PCDH17: variants seen among roughly 807,000 people sequenced by gnomAD.
PCDH17 encodes the protein protocadherin-17.
Under a neutral mutation model 67.7 loss-of-function variants are expected in PCDH17, and 21 were observed. The ratio of observed to expected loss-of-function variants is 0.31; its 90% CI spans 0.22 to 0.45. The LOEUF (loss-of-function observed/expected upper bound fraction) is 0.45, where lower values mean the gene tolerates loss of function less well. Among genes scored for constraint, PCDH17 ranks in the 20% least tolerant of loss-of-function variants. The probability of loss-of-function intolerance (pLI) is 1.00; values close to 1 mark genes in which losing one functional copy is unlikely to be tolerated. For synonymous variants in PCDH17, 701 were observed against 656.7 expected (o/e 1.07, Z -1.03); for missense variants, 1,471 against 1,564.8 (o/e 0.94, Z 1.01).
intron 3 of PCDH17, among the ~76,000 whole-genome samples, chr13:57,696,586 G>T (rs925262373): frequency 6.6e-6 from 1 of 151,342 alleles, no homozygotes; most frequent in African/African-American, 2.4e-5. Context: ...ATTCTTCGCA[G>T]CCTGTCTTAT....
intron 3 of PCDH17, among the ~76,000 whole-genome samples, chr13:57,684,759 A>C (rs1168886303): frequency 6.6e-6 from 1 of 151,964 alleles, no homozygotes; most frequent in African/African-American, 2.4e-5. Flanking sequence ...ATTTTACTTC[A>C]CTGGTTTTAG....
Position 57,729,007 on chromosome 13 carries a change from G to A in PCDH17, c.*3713G>A, listed in dbSNP as rs577655229. ...AATTATATTCTTTTGACAACAGACA[G>A]CATTCATCAGAGCACTAATTCGAAT... On this transcript the variant is annotated 3_prime_UTR_variant, in exon 4 of 4. Coordinates refer to ENST00000377918, the MANE Select transcript of PCDH17 (RefSeq NM_001040429.3). 1 of 152,164 alleles carries A rather than the reference G, an allele frequency of 6.6e-6. No individual in the cohort carries two copies. The highest frequency in any genetic ancestry group is 1.5e-5 in the Non-Finnish European group (1 of 67,976). 9.4% of individuals were successfully genotyped at this position (152,164 alleles called of 1,614,324 possible).
At chr13:57,666,208 TCCATCC>T in intron 1 of PCDH17, among the ~76,000 whole-genome samples, 1 of 152,304 alleles carries the variant, frequency 6.6e-6, no homozygotes, top group South Asian at 2.1e-4. Flanking sequence ...GCCAGTGTTA[TCCATCC>T]TGGTACTAAA....
intron 3 of PCDH17, among the ~76,000 whole-genome samples, chr13:57,704,238 T>C (rs528301708): frequency 1.3e-3 from 205 of 152,160 alleles, no homozygotes; most frequent in South Asian, 2.1e-3. Context: ...GTTTAAATGA[T>C]TTCTCTCTTC....
In PCDH17 at chr13:57,634,296, G is replaced by A; in HGVS notation, c.1750G>A (p.Val584Met). The change falls in exon 1 of 4, where the codon GTG becomes ATG. Residue 584 changes from valine (V) to methionine (M), a missense_variant. This residue lies in a region of PCDH17 where 1,163 missense variants were observed against 1,230.0 expected (regional missense o/e 0.95). Transcript: ENST00000377918. The surrounding 1 kb of genome is among the most constrained non-coding windows in gnomAD (Gnocchi z 7.8). ...CGTGAATGACAACGCGCCAGTGATCGTGCTCCCCACGCTGCAGAACGACAC... is the reference window on the plus strand; with the variant it reads ...CGTGAATGACAACGCGCCAGTGATCATGCTCCCCACGCTGCAGAACGACAC... The part of the protein sequence containing the change: ...LDVNDNAPVI[V>M]LPTLQNDTAE... 1 of 1,613,086 alleles carries A rather than the reference G, an allele frequency of 6.2e-7. No homozygotes were observed.
chr13:57,722,087 A>C (rs1197395353), intron 3 of PCDH17, among the ~76,000 whole-genome samples: 1 of 152,112 alleles, frequency 6.6e-6, no homozygotes, highest in Admixed American at 6.6e-5. Context: ...TCAATACTCA[A>C]AATTTGCTCC....
chr13:57,675,409 G>A (rs987961948), intron 3 of PCDH17, among the ~76,000 whole-genome samples: 3 of 151,906 alleles, frequency 2.0e-5, no homozygotes, highest in Non-Finnish European at 4.4e-5. Flanking sequence ...ATACAAAGAT[G>A]AGCTGAGGCA....
intron 3 of PCDH17, among the ~76,000 whole-genome samples, chr13:57,720,700 G>A (rs1955865339): frequency 6.6e-6 from 1 of 151,796 alleles, no homozygotes; most frequent in Non-Finnish European, 1.5e-5. Context: ...AAAAAGCTAA[G>A]TTTTATCACA....
At chr13:57,692,229 G>C (rs2138063269) in intron 3 of PCDH17, among the ~76,000 whole-genome samples, 1 of 151,272 alleles carries the variant, frequency 6.6e-6, no homozygotes, top group South Asian at 2.1e-4. Context: ...ATAAATAAAT[G>C]AGAGAGTCTC....
At chr13:57,693,988 G>A (rs4391933) in intron 3 of PCDH17, among the ~76,000 whole-genome samples, 23,367 of 149,212 alleles carry the variant, frequency 0.16, 1,882 homozygotes, top group East Asian at 0.23. Context: ...TCTTTTTTGA[G>A]GTAAATGACT....
At chr13:57,696,992 G>A (rs1955616189) in intron 3 of PCDH17, among the ~76,000 whole-genome samples, 1 of 151,388 alleles carries the variant, frequency 6.6e-6, no homozygotes. Context: ...AATTTTTTTT[G>A]TATTTTTAAG....
At chr13:57,707,222 G>T (rs1955728811) in intron 3 of PCDH17, among the ~76,000 whole-genome samples, 1 of 151,890 alleles carries the variant, frequency 6.6e-6, no homozygotes, top group South Asian at 2.1e-4. Flanking sequence ...AGCAAGGATT[G>T]TCTTACTTTC....
At chr13:57,661,912 A>G (rs568781750) in intron 1 of PCDH17, among the ~76,000 whole-genome samples, 1 of 152,168 alleles carries the variant, frequency 6.6e-6, no homozygotes, top group South Asian at 2.1e-4. Context: ...CTGTTGCTCA[A>G]TCTGGAGTGC....
chr13:57,659,521 T>G (rs1417386887), intron 1 of PCDH17, among the ~76,000 whole-genome samples: 1 of 152,104 alleles, frequency 6.6e-6, no homozygotes, highest in Non-Finnish European at 1.5e-5. Flanking sequence ...TATTATAAAC[T>G]AAGAAATTTG....
At chr13:57,681,962 AC>A (rs1566233760) in intron 3 of PCDH17, among the ~76,000 whole-genome samples, 1 of 151,676 alleles carries the variant, frequency 6.6e-6, no homozygotes, top group Non-Finnish European at 1.5e-5. Context: ...AATGTACAAA[AC>A]TCTGTAGTCC....
At chr13:57,713,693 A>C (rs974573154) in intron 3 of PCDH17, among the ~76,000 whole-genome samples, 13 of 151,596 alleles carry the variant, frequency 8.6e-5, no homozygotes, top group African/African-American at 3.1e-4. Flanking sequence ...GTATTTATTC[A>C]AGTACATATT....
chr13:57,668,895 G>A (rs1402868028), intron 3 of PCDH17, among the ~76,000 whole-genome samples: 1 of 152,034 alleles, frequency 6.6e-6, no homozygotes, highest in Non-Finnish European at 1.5e-5. Context: ...ACAACGTGCA[G>A]GTTTGTTACA....
At chr13:57,676,755 C>A (rs145935145) in intron 3 of PCDH17, among the ~76,000 whole-genome samples, 211 of 151,894 alleles carry the variant, frequency 1.4e-3, no homozygotes, top group African/African-American at 4.7e-3. Context: ...TTCACTGAAT[C>A]CCACAGTTTT....
intron 3 of PCDH17, among the ~76,000 whole-genome samples, chr13:57,672,359 A>G (rs1455855222): frequency 6.6e-6 from 1 of 151,966 alleles, no homozygotes; most frequent in Non-Finnish European, 1.5e-5. Context: ...TTTGTTATGT[A>G]ATTTCGCAGT....
Sources: gnomAD v4.1 joint callset for allele counts (sites outside exome capture counted in the v4.1 genomes callset) on GRCh38, gnomAD v4.1.1 for gene constraint, gnomAD v4.1.1 regional missense constraint, Gnocchi (gnomAD v3.1) non-coding constraint, MANE v1.5 for transcripts, NCBI Gene and HGNC (gene_info 2026-07-23, HGNC 2026-07-21) for gene names.